The following OR2L13 variants were observed in gnomAD, a reference collection of about 807,000 sequenced individuals.
The protein encoded by OR2L13 is olfactory receptor 2L13.
A neutral mutation model predicts 15.3 loss-of-function variants in OR2L13; 14 were observed. The ratio of observed to expected loss-of-function variants is 0.91; its 90% confidence interval spans 0.60 to 1.43. OR2L13 has a LOEUF of 1.43. Ranked by LOEUF, OR2L13 falls within the 40% of genes most tolerant of loss-of-function variation. The pLI is 0.00. For missense variants in OR2L13, 367 were observed against 387.9 expected, an observed-to-expected ratio of 0.95 and a Z score of 0.45; for synonymous variants, 152 against 142.9, an observed-to-expected ratio of 1.06 and a Z score of -0.45.
chr1:247,982,774 GA>G, the OR2L13 span, among the ~76,000 whole-genome samples: 1 of 152,068 alleles, frequency 6.6e-6, no homozygotes, highest in South Asian at 2.1e-4. Context: ...GGAAATAGAA[GA>G]AGTTGAAATG....
At chr1:247,939,743 T>A in the OR2L13 span, 1 of 152,322 alleles carries the variant, frequency 6.6e-6, no homozygotes, top group East Asian at 1.9e-4. Flanking sequence ...AAGATGTGGA[T>A]ATTTTCAAAA....
chr1:247,938,091 T>C, the OR2L13 span, among the ~76,000 whole-genome samples: 1 of 152,124 alleles, frequency 6.6e-6, no homozygotes. Flanking sequence ...AACTATTTAA[T>C]GTTCATAATT....
At chr1:248,030,751 G>C in the OR2L13 span, among the ~76,000 whole-genome samples, 1 of 152,076 alleles carries the variant, frequency 6.6e-6, no homozygotes, top group Non-Finnish European at 1.5e-5. Context: ...TGTCGGTGGT[G>C]ATGTCAATGT....
At chr1:248,080,437 C>A in the OR2L13 span, among the ~76,000 whole-genome samples, 4 of 152,268 alleles carry the variant, frequency 2.6e-5, no homozygotes, top group African/African-American at 9.6e-5. Flanking sequence ...TAAACCTCCA[C>A]CTCAAAGAGG....
chr1:248,021,550 C>T, the OR2L13 span, among the ~76,000 whole-genome samples: 6 of 152,130 alleles, frequency 3.9e-5, no homozygotes, highest in African/African-American at 1.4e-4. Flanking sequence ...ATCATAGTGC[C>T]TACATTGTTC....
At chr1:248,063,178 T>C in the OR2L13 span, 1 of 152,252 alleles carries the variant, frequency 6.6e-6, no homozygotes, top group Non-Finnish European at 1.5e-5. Context: ...ATCTGTAGTT[T>C]GGTTATTTAA....
At chr1:248,030,394 T>G in the OR2L13 span, among the ~76,000 whole-genome samples, 2 of 152,124 alleles carry the variant, frequency 1.3e-5, no homozygotes, top group African/African-American at 4.8e-5. Flanking sequence ...AATATTGGAG[T>G]ATGAAATGCA....
chr1:248,004,074 A>G, the OR2L13 span: 7 of 1,598,210 alleles, frequency 4.4e-6, no homozygotes, highest in Non-Finnish European at 6.0e-6. Context: ...ATGTAGAAAC[A>G]CTTTCTGCCT....
chr1:248,044,619 A>G, the OR2L13 span, among the ~76,000 whole-genome samples: 5 of 91,110 alleles, frequency 5.5e-5, no homozygotes, highest in South Asian at 1.0e-3. Flanking sequence ...CTGGCTAACA[A>G]GGTGAAACCC....
At chr1:248,095,885 C>G (rs1240298124), upstream of OR2L13, among the ~76,000 whole-genome samples, 4 of 151,008 alleles carry the variant, frequency 2.6e-5, no homozygotes, top group Non-Finnish European at 4.4e-5. Flanking sequence ...GCTTACAGAC[C>G]TGAGCCACTG....
chr1:248,083,201 T>A, the OR2L13 span, among the ~76,000 whole-genome samples: 5 of 152,176 alleles, frequency 3.3e-5, no homozygotes, highest in Admixed American at 3.3e-4. Context: ...TATTTAGTTT[T>A]TAATCATAGA....
At chr1:248,036,963 C>T in the OR2L13 span, among the ~76,000 whole-genome samples, 1 of 152,050 alleles carries the variant, frequency 6.6e-6, no homozygotes, top group Non-Finnish European at 1.5e-5. Context: ...GAAGCAAAGA[C>T]ACAGAATATA....
the OR2L13 span, chr1:248,021,950 G>A: frequency 6.2e-7 from 1 of 1,611,166 alleles, no homozygotes; most frequent in Non-Finnish European, 8.5e-7. Context: ...AATGCCCCAT[G>A]GAAAATTACA....
At chr1:247,994,345 T>C in the OR2L13 span, among the ~76,000 whole-genome samples, 212 of 152,188 alleles carry the variant, frequency 1.4e-3, 2 homozygotes, top group African/African-American at 4.0e-3. Flanking sequence ...TGCAGTGAGC[T>C]GATATCGCTC....
the OR2L13 span, among the ~76,000 whole-genome samples, chr1:248,071,211 G>A: frequency 6.6e-6 from 1 of 152,016 alleles, no homozygotes; most frequent in African/African-American, 2.4e-5. Context: ...GATGAACATT[G>A]ATGCAAAAAT....
At chr1:248,015,631 C>T in the OR2L13 span, among the ~76,000 whole-genome samples, 1 of 152,106 alleles carries the variant, frequency 6.6e-6, no homozygotes, top group East Asian at 1.9e-4. Flanking sequence ...TTTCAGTTAT[C>T]CCTTCAGAAG....
At chr1:247,991,174 G>A in the OR2L13 span, 1 of 1,604,380 alleles carries the variant, frequency 6.2e-7, no homozygotes, top group Admixed American at 1.7e-5. Context: ...CCTGACACGA[G>A]TGATTCAGAA....
At chr1:247,983,080 GTGTT>G in the OR2L13 span, among the ~76,000 whole-genome samples, 108 of 152,194 alleles carry the variant, frequency 7.1e-4, no homozygotes, top group Middle Eastern at 3.4e-3. Flanking sequence ...ATATGTGTAT[GTGTT>G]TGTTTGTGTG....
the OR2L13 span, among the ~76,000 whole-genome samples, chr1:248,074,466 G>C: frequency 2.0e-5 from 3 of 151,546 alleles, no homozygotes; most frequent in South Asian, 2.1e-4. Context: ...CAGCCAAAAG[G>C]CTTCTAGAAC....
Sources: gnomAD v4.1 joint callset for allele counts (sites outside exome capture counted in the v4.1 genomes callset) on GRCh38, gnomAD v4.1.1 for gene constraint, MANE v1.5 for transcripts, NCBI Gene and HGNC (gene_info 2026-07-23, HGNC 2026-07-21) for gene names.